Variants in PPEF1 observed in about 807,000 individuals in gnomAD.
PPEF1 encodes serine/threonine-protein phosphatase with EF-hands 1.
In PPEF1, 12 loss-of-function variants were observed where a neutral mutation model predicts 53.3. That is an observed-to-expected ratio of 0.23 (90% confidence interval 0.14 to 0.36). The LOEUF (loss-of-function observed/expected upper bound fraction) is 0.36, where lower values mean the gene tolerates loss of function less well. Ranked by LOEUF, PPEF1 falls within the 10% of genes least tolerant of loss-of-function variation. PPEF1 has a pLI of 1.00. For missense variants in PPEF1, 334 were observed against 490.4 expected, an observed-to-expected ratio of 0.68 and a Z score of 3.01; for synonymous variants, 165 against 176.7, an observed-to-expected ratio of 0.93 and a Z score of 0.52.
intron 7 of PPEF1, among the ~76,000 whole-genome samples, chrX:18,780,695 T>A (rs1307750185): frequency 2.7e-5 from 3 of 110,437 alleles, no homozygotes; most frequent in African/African-American, 9.9e-5. Context: ...TGCAAAGAAA[T>A]AGATTCAAGA....
chrX:18,806,251 G>A, intron 11 of PPEF1, 152 bp from the exon 12 acceptor site: 1 of 623,223 alleles, frequency 1.6e-6, no homozygotes. Context: ...CTCCGATGCA[G>A]TCATAGAAAT....
At position 18,794,685 on chromosome X, in the gene PPEF1, C is replaced by T. The variant is rs769227458; in HGVS notation, c.1065+5412C>T. Among the ~76,000 whole-genome samples, 119 of 112,679 alleles carry T rather than the reference C, an allele frequency of 1.1e-3. 1 individual carries two copies. The highest frequency in any genetic ancestry group is 8.5e-3 in the Admixed American group (91 of 10,685). ...TGCCCAATGAGCGGGAGAAGTGACC[C>T]CAGTCCTCTCTGCTGTGCTTGCCTG... On this transcript the variant is annotated intron_variant, in intron 10 of 15. Transcript: ENST00000470157.
At chrX:18,766,444 G>A (rs1014332148) in intron 6 of PPEF1, among the ~76,000 whole-genome samples, 1 of 111,972 alleles carries the variant, frequency 8.9e-6, no homozygotes, top group African/African-American at 3.2e-5. Flanking sequence ...ATAAATGACA[G>A]TGATACCCCA....
At position 18,711,004 on chromosome X, in the gene PPEF1, A is replaced by ATG. The variant is rs1042669862; in HGVS notation, c.46+3190_46+3191dup. On this transcript the variant is annotated intron_variant, in intron 1 of 15. Transcript: ENST00000470157. ...TATGTAAGTGTGTGTGTGTGTATAT[A>ATG]TGTGTGTGTGTGTATGTGTGTGTAT... is the stretch of plus-strand genomic sequence containing the variant. Among the ~76,000 whole-genome samples the ATG allele has an allele frequency of 7.2e-4, 78 of 107,857 alleles. No homozygotes were observed. In the East Asian group the frequency reaches 0.013, roughly 18 times the overall value. 93.7% of individuals were successfully genotyped at this position (107,857 alleles called of 115,157 possible).
chrX:18,706,351 C>T (rs1361460721), upstream of PPEF1, among the ~76,000 whole-genome samples: 7 of 110,166 alleles, frequency 6.4e-5, no homozygotes, highest in Admixed American at 1.9e-4. Flanking sequence ...TGAAAACTCC[C>T]GTGAAGTGAT....
Position 18,742,213 on chromosome X carries a change from G to A in PPEF1, c.236-7579G>A, listed in dbSNP as rs1179274859. On this transcript the variant is annotated intron_variant, in intron 3 of 15. Coordinates refer to ENST00000470157, the MANE Select transcript of PPEF1 (RefSeq NM_001377996.1). ...CTAATATACCATAATTGATCCATTC[G>A]ATTGTGTATGGGCATTTGAGTTGTT... 6.3e-5 allele frequency among the ~76,000 whole-genome samples: 7 copies of A among 111,707 alleles called. No individual in the cohort carries two copies. The East Asian group carries it at 1.4e-3, about 22-fold the overall frequency.
intron 3 of PPEF1, among the ~76,000 whole-genome samples, chrX:18,747,594 C>A (rs924697243): frequency 8.9e-6 from 1 of 112,280 alleles, no homozygotes; most frequent in African/African-American, 3.2e-5. Flanking sequence ...GCCTCAGCCT[C>A]CTGAGTAGCT....
chrX:18,801,409 C>T, intron 10 of PPEF1, among the ~76,000 whole-genome samples: 1 of 111,942 alleles, frequency 8.9e-6, no homozygotes, highest in African/African-American at 3.2e-5. Context: ...TCATGTTTAG[C>T]AATTCCTGGT....
At chrX:18,775,687 G>C (rs1381969109) in intron 6 of PPEF1, among the ~76,000 whole-genome samples, 1 of 112,115 alleles carries the variant, frequency 8.9e-6, no homozygotes, top group Non-Finnish European at 1.9e-5. Flanking sequence ...TAGTAGATCT[G>C]ATTGGTCTGT....
At chrX:18,683,471 C>T (rs73456574) in intron 1 of PPEF1, among the ~76,000 whole-genome samples, 1,610 of 111,677 alleles carry the variant, frequency 0.014, 34 homozygotes, top group African/African-American at 0.049. Flanking sequence ...GTGCTTCACT[C>T]GTATTAACTC....
intron 13 of PPEF1, among the ~76,000 whole-genome samples, chrX:18,822,984 A>T (rs184831771): frequency 1.8e-5 from 2 of 111,732 alleles, no homozygotes; most frequent in African/African-American, 6.5e-5. Flanking sequence ...TCCCTATTAT[A>T]TATCAAGATC....
chrX:18,755,566 C>T (rs1425701843), intron 4 of PPEF1, among the ~76,000 whole-genome samples: 2 of 110,831 alleles, frequency 1.8e-5, no homozygotes, highest in African/African-American at 3.3e-5. Flanking sequence ...GACTCCATCC[C>T]CCCCAGCCCC....
At chrX:18,762,604 T>A (rs1238903016) in intron 6 of PPEF1, among the ~76,000 whole-genome samples, 2 of 112,112 alleles carry the variant, frequency 1.8e-5, no homozygotes, top group African/African-American at 6.5e-5. Flanking sequence ...TGCCCATTTT[T>A]ATGGTTATTT....
At chrX:18,685,016 C>T (rs1929015147) in intron 2 of PPEF1, among the ~76,000 whole-genome samples, 1 of 112,112 alleles carries the variant, frequency 8.9e-6, no homozygotes, top group Non-Finnish European at 1.9e-5. Context: ...CCTCTAGAGT[C>T]CCATTTAAAA....
At chrX:18,728,199 C>A (rs1188184463) in intron 1 of PPEF1, among the ~76,000 whole-genome samples, 3 of 110,283 alleles carry the variant, frequency 2.7e-5, no homozygotes, top group African/African-American at 1.0e-4. Flanking sequence ...CTCTCTCTCT[C>A]TCTCTATATA....
upstream of PPEF1, among the ~76,000 whole-genome samples, chrX:18,681,712 G>A (rs939392082): frequency 1.8e-5 from 2 of 111,804 alleles, no homozygotes; most frequent in Admixed American, 9.5e-5. Context: ...ATGGTCCCCC[G>A]ATAGACTTGC....
chrX:18,817,068 ATGTGTGTGTGTGTGTGTGTGTG>A (rs72334387), intron 12 of PPEF1, among the ~76,000 whole-genome samples: 1 of 100,095 alleles, frequency 1.0e-5, no homozygotes, highest in Non-Finnish European at 2.0e-5. Context: ...TCATTTTGCC[ATGTGTGTGTGTGTGTGTGTGTG>A]TGTGTGTGTG....
Position 18,757,643 on chromosome X carries a change from A to T in PPEF1, c.413A>T (p.Tyr138Phe). Residue 138 changes from tyrosine to phenylalanine, a missense_variant, in exon 5 of 16, where the codon TAT becomes TTT. Physicochemically the swap from Tyr to Phe is conservative, Grantham distance 22. Transcript: ENST00000470157. Reference sequence around the variant, plus strand: ...CGCTCACAGATACTTCATGCCCATTATGTCTTAGAGGTGCTATTTGAAACC... The same window carrying T: ...CGCTCACAGATACTTCATGCCCATTTTGTCTTAGAGGTGCTATTTGAAACC... Reference protein sequence around the residue: ...FKEQQILHAHYVLEVLFETKK... With the variant: ...FKEQQILHAHFVLEVLFETKK... The T allele has an allele frequency of 8.3e-7, 1 of 1,205,683 alleles. No homozygotes were observed. The highest frequency in any genetic ancestry group is 1.1e-6 in the Non-Finnish European group (1 of 890,627).
intron 13 of PPEF1, among the ~76,000 whole-genome samples, chrX:18,818,370 C>CTT (rs11297772): frequency 9.8e-5 from 8 of 81,711 alleles, no homozygotes; most frequent in Non-Finnish European, 1.7e-4. Flanking sequence ...CTGAATTAAA[C>CTT]TTTTTTTTTT....
Sources: allele counts gnomAD v4.1 joint callset (sites outside exome capture counted in the v4.1 genomes callset), GRCh38; gene constraint gnomAD v4.1.1; transcripts MANE v1.5; gene names NCBI Gene and HGNC (gene_info 2026-07-23, HGNC 2026-07-21).